The following OPCML variants were observed in gnomAD, a reference collection of about 807,000 sequenced individuals.
OPCML encodes opioid binding protein/cell adhesion molecule like.
A neutral mutation model predicts 37.8 loss-of-function variants in OPCML; 13 were observed. The observed-to-expected ratio is 0.34, with a 90% CI of 0.22 to 0.55. OPCML has a LOEUF of 0.55. OPCML is among the 20% of genes least tolerant of loss of function. The pLI is 0.91. For missense variants in OPCML, 341 were observed against 435.6 expected, an observed-to-expected ratio of 0.78 and a Z score of 1.93; for synonymous variants, 176 against 168.8, an observed-to-expected ratio of 1.04 and a Z score of -0.33.
intron 7 of OPCML, among the ~76,000 whole-genome samples, chr11:132,433,787 A>C (rs1266493886): frequency 6.6e-6 from 1 of 152,216 alleles, no homozygotes; most frequent in Non-Finnish European, 1.5e-5. Context: ...TCAGAGGAGA[A>C]ACCATGTGAG....
chr11:133,402,901 C>G (rs1592268394), intron 1 of OPCML, among the ~76,000 whole-genome samples: 1 of 152,328 alleles, frequency 6.6e-6, no homozygotes, highest in East Asian at 1.9e-4. Context: ...AGCCCAAGTG[C>G]TGATTTTCTC....
chr11:132,721,557 A>G (rs930784237), intron 2 of OPCML, among the ~76,000 whole-genome samples: 11 of 152,174 alleles, frequency 7.2e-5, no homozygotes, highest in Admixed American at 2.0e-4. Context: ...CTGGGTACCC[A>G]GGCAGAATAT....
At chr11:133,242,390 G>GC (rs1940763918) in intron 1 of OPCML, among the ~76,000 whole-genome samples, 1 of 152,192 alleles carries the variant, frequency 6.6e-6, no homozygotes, top group Non-Finnish European at 1.5e-5. Flanking sequence ...CTGAAACACA[G>GC]CACCTCAGAC....
At chr11:132,759,051 G>A (rs542017574) in intron 2 of OPCML, among the ~76,000 whole-genome samples, 15 of 152,150 alleles carry the variant, frequency 9.9e-5, no homozygotes, top group Non-Finnish European at 1.9e-4. Context: ...TGCATCTATT[G>A]AAATAATCAT....
intron 1 of OPCML, among the ~76,000 whole-genome samples, chr11:133,159,567 A>G (rs1258462607): frequency 6.6e-6 from 1 of 152,206 alleles, no homozygotes; most frequent in Non-Finnish European, 1.5e-5. Context: ...CTACTGCCCA[A>G]ATTTCAATGA....
At chr11:133,484,138 TGATA>T (rs1302830861) in intron 1 of OPCML, among the ~76,000 whole-genome samples, 7 of 141,520 alleles carry the variant, frequency 4.9e-5, no homozygotes, top group African/African-American at 8.5e-5. Flanking sequence ...GATAGATAGA[TGATA>T]GATGGATAGA....
At chr11:132,682,601 T>C (rs1942997419) in intron 2 of OPCML, among the ~76,000 whole-genome samples, 2 of 152,118 alleles carry the variant, frequency 1.3e-5, no homozygotes. Flanking sequence ...CTCAAAGCAG[T>C]TTGTGCCCAC....
chr11:133,094,247 G>A (rs1409074108), intron 1 of OPCML, among the ~76,000 whole-genome samples: 1 of 152,142 alleles, frequency 6.6e-6, no homozygotes, highest in East Asian at 1.9e-4. Context: ...GAGCCAAGAA[G>A]GTGAATCACA....
chr11:132,914,267 C>A (rs1264546891), intron 2 of OPCML, among the ~76,000 whole-genome samples: 1 of 152,200 alleles, frequency 6.6e-6, no homozygotes, highest in Non-Finnish European at 1.5e-5. Flanking sequence ...GATATCTCCA[C>A]AATGCTTAGT....
At chr11:132,747,321 AT>A (rs1945665720) in intron 2 of OPCML, among the ~76,000 whole-genome samples, 1 of 152,206 alleles carries the variant, frequency 6.6e-6, no homozygotes, top group Non-Finnish European at 1.5e-5. Context: ...ACCGTGTAAA[AT>A]TGGGAATAAG....
chr11:133,313,709 G>A (rs4379857), intron 1 of OPCML, among the ~76,000 whole-genome samples: 11,581 of 152,120 alleles, frequency 0.076, 1,137 homozygotes, highest in East Asian at 0.45. Flanking sequence ...AAAAGACAAG[G>A]AAATGGATCT....
At chr11:132,971,742 C>G (rs1946347495) in intron 1 of OPCML, among the ~76,000 whole-genome samples, 1 of 152,260 alleles carries the variant, frequency 6.6e-6, no homozygotes, top group Non-Finnish European at 1.5e-5. Flanking sequence ...GGTCATTACA[C>G]TGTCACCTTT....
chr11:133,364,945 T>G (rs905148524), intron 1 of OPCML, among the ~76,000 whole-genome samples: 1 of 152,154 alleles, frequency 6.6e-6, no homozygotes. Context: ...TAGTCACAAC[T>G]TTTTCAAATA....
chr11:133,429,958 T>C (rs1591490170), intron 1 of OPCML, among the ~76,000 whole-genome samples: 1 of 151,856 alleles, frequency 6.6e-6, no homozygotes, highest in Non-Finnish European at 1.5e-5. Flanking sequence ...GAGCAGTGAG[T>C]CTGGATGGAA....
At chr11:132,915,611 G>A (rs1944579571) in intron 2 of OPCML, among the ~76,000 whole-genome samples, 1 of 151,796 alleles carries the variant, frequency 6.6e-6, no homozygotes, top group Admixed American at 6.6e-5. Context: ...AATCTCACCA[G>A]CAGTGTGTAA....
chr11:132,809,736 A>C (rs976332685), intron 2 of OPCML, among the ~76,000 whole-genome samples: 1 of 152,138 alleles, frequency 6.6e-6, no homozygotes, highest in Non-Finnish European at 1.5e-5. Flanking sequence ...TGAATAGTTC[A>C]CATTCACCCC....
In OPCML at chr11:133,173,740, G is replaced by T. The variant is rs1950320429; in HGVS notation, c.62-230730C>A. ...CCTGTGGCAGTTTAAGAATCTCTAA[G>T]AATGCATAAGTAAAGAAAAAATAGA... On this transcript the variant is annotated intron_variant, in intron 1 of 7. Transcript: ENST00000524381. The surrounding 1 kb of genome is among the most constrained non-coding windows in gnomAD (Gnocchi z 7.8). Among the ~76,000 whole-genome samples, 1 of 152,190 alleles carries T rather than the reference G, an allele frequency of 6.6e-6. No homozygotes were observed. The highest frequency in any genetic ancestry group is 2.1e-4 in the South Asian group (1 of 4,832).
chr11:132,743,160 A>AG (rs1945492784), intron 2 of OPCML, among the ~76,000 whole-genome samples: 1 of 152,192 alleles, frequency 6.6e-6, no homozygotes, highest in Non-Finnish European at 1.5e-5. Context: ...CATTATGCTC[A>AG]GGAACTGGTG....
At chr11:133,486,818 CT>C (rs994703006) in intron 1 of OPCML, among the ~76,000 whole-genome samples, 9 of 151,104 alleles carry the variant, frequency 6.0e-5, no homozygotes, top group African/African-American at 2.2e-4. Context: ...CTCTCTCTCT[CT>C]CTCTATCTCT....
Sources: allele counts gnomAD v4.1 joint callset (sites outside exome capture counted in the v4.1 genomes callset), GRCh38; gene constraint gnomAD v4.1.1; non-coding constraint Gnocchi (gnomAD v3.1); transcripts MANE v1.5; gene names NCBI Gene and HGNC (gene_info 2026-07-23, HGNC 2026-07-21).